The following RAPGEF5 variants were observed in gnomAD, a reference collection of about 807,000 sequenced individuals.
RAPGEF5 encodes Rap guanine nucleotide exchange factor 5, also known as M-Ras-regulated GEF.
RAPGEF5 carries 65 observed loss-of-function variants against 125.2 expected under a neutral mutation model. The ratio of observed to expected loss-of-function variants is 0.52; its 90% CI spans 0.43 to 0.64. The LOEUF is 0.64. Among genes scored for constraint, RAPGEF5 ranks in the 30% least tolerant of loss-of-function variants. RAPGEF5 has a pLI of 0.00. For missense variants in RAPGEF5, 958 were observed against 1,048.1 expected (o/e 0.91, Z 1.19); for synonymous variants, 391 against 385.9 (o/e 1.01, Z -0.16).
chr7:22,136,350 G>A (rs1197250870), intron 22 of RAPGEF5, among the ~76,000 whole-genome samples: 1 of 152,032 alleles, frequency 6.6e-6, no homozygotes, highest in African/African-American at 2.4e-5. Context: ...AAAGGGAAAT[G>A]ACCGCAAATG....
At chr7:22,300,539 AC>A (rs1263727209) in intron 5 of RAPGEF5, among the ~76,000 whole-genome samples, 1 of 152,204 alleles carries the variant, frequency 6.6e-6, no homozygotes, top group African/African-American at 2.4e-5. Flanking sequence ...ATAATGCTAT[AC>A]AGCCTCAATG....
intron 13 of RAPGEF5, among the ~76,000 whole-genome samples, chr7:22,161,662 A>G (rs1248966987): frequency 1.3e-5 from 2 of 152,180 alleles, no homozygotes; most frequent in Non-Finnish European, 2.9e-5. Context: ...GAGTTTAAAG[A>G]GTTGGTTAGA....
intron 1 of RAPGEF5, among the ~76,000 whole-genome samples, chr7:22,339,587 G>C (rs1404945462): frequency 6.6e-6 from 1 of 152,194 alleles, no homozygotes; most frequent in African/African-American, 2.4e-5. Flanking sequence ...AAATGCAAAA[G>C]AGGGTGACTG....
intron 9 of RAPGEF5, among the ~76,000 whole-genome samples, chr7:22,204,409 C>T (rs769621855): frequency 5.3e-5 from 8 of 152,102 alleles, no homozygotes; most frequent in Non-Finnish European, 7.4e-5. Context: ...ATTTCCTGTG[C>T]GTGTGTGTCA....
chr7:22,141,377 T>C (rs531863242), intron 20 of RAPGEF5, among the ~76,000 whole-genome samples: 42 of 152,330 alleles, frequency 2.8e-4, no homozygotes, highest in African/African-American at 9.9e-4. Context: ...CCTAAAGCTA[T>C]ACTGATTCCC....
At chr7:22,219,023 T>A (rs1445343551) in intron 9 of RAPGEF5, among the ~76,000 whole-genome samples, 1 of 152,076 alleles carries the variant, frequency 6.6e-6, no homozygotes, top group Non-Finnish European at 1.5e-5. Flanking sequence ...TGAAGCAATG[T>A]TTTCCCCCTT....
At chr7:22,318,361 C>T (rs901348691) in intron 1 of RAPGEF5, among the ~76,000 whole-genome samples, 26 of 152,062 alleles carry the variant, frequency 1.7e-4, no homozygotes, top group African/African-American at 4.8e-4. Context: ...TTTCCTTTTC[C>T]TCACCCTAAC....
chr7:22,180,329 A>T (rs1784635798), intron 11 of RAPGEF5, among the ~76,000 whole-genome samples: 2 of 152,162 alleles, frequency 1.3e-5, no homozygotes, highest in Admixed American at 1.3e-4. Flanking sequence ...AACAATATAC[A>T]ATATATTTGC....
intron 7 of RAPGEF5, among the ~76,000 whole-genome samples, chr7:22,250,095 A>C (rs1297100841): frequency 2.0e-5 from 3 of 152,190 alleles, no homozygotes; most frequent in African/African-American, 7.2e-5. Context: ...CCAAACAAAA[A>C]CACTTAACAA....
rs770990761 is a variant in RAPGEF5, at chr7:22,157,855, C to CT, written c.1556dup (p.Asn520GlufsTer2). 4 of 1,610,856 alleles carry CT rather than the reference C, an allele frequency of 2.5e-6. No individual in the cohort carries two copies. The highest frequency in any genetic ancestry group is 1.3e-5 in the African/African-American group (1 of 74,824). ...TTTAGGTATAGAAGCATCTGCTTAC[C>CT]TTTTTTTGTGGTGAATATTCATCTA... On this transcript the variant is annotated frameshift_variant and splice_region_variant, in exon 15 of 26. Coordinates refer to ENST00000665637, the MANE Select transcript of RAPGEF5 (RefSeq NM_012294.5). LOFTEE classifies it high-confidence loss of function.
chr7:22,290,810 G>C (rs1426882730), intron 6 of RAPGEF5, among the ~76,000 whole-genome samples: 1 of 150,674 alleles, frequency 6.6e-6, no homozygotes, highest in Admixed American at 6.6e-5. Flanking sequence ...CTAGTGACCC[G>C]GCCTTTTTTG....
intron 5 of RAPGEF5, among the ~76,000 whole-genome samples, chr7:22,306,902 T>C (rs1783355152): frequency 6.6e-6 from 1 of 152,190 alleles, no homozygotes; most frequent in African/African-American, 2.4e-5. Flanking sequence ...TTCTGTTCCA[T>C]TGGTCTATGT....
intron 8 of RAPGEF5, among the ~76,000 whole-genome samples, chr7:22,220,846 G>A (rs897139263): frequency 6.6e-6 from 1 of 152,124 alleles, no homozygotes; most frequent in Admixed American, 6.5e-5. Flanking sequence ...CTTGGCAGGA[G>A]CAGTCAAAAC....
At chr7:22,284,939 C>T (rs995675593) in intron 6 of RAPGEF5, among the ~76,000 whole-genome samples, 2 of 152,120 alleles carry the variant, frequency 1.3e-5, no homozygotes, top group African/African-American at 4.8e-5. Context: ...GGTTACATCC[C>T]AATAAACCCA....
intron 6 of RAPGEF5, among the ~76,000 whole-genome samples, chr7:22,273,360 A>G (rs1782485257): frequency 6.6e-6 from 1 of 151,662 alleles, no homozygotes; most frequent in Non-Finnish European, 1.5e-5. Flanking sequence ...CTGGGACTAC[A>G]GGCGCCCACC....
intron 9 of RAPGEF5, among the ~76,000 whole-genome samples, chr7:22,207,499 A>G (rs1785423557): frequency 6.6e-6 from 1 of 152,190 alleles, no homozygotes; most frequent in African/African-American, 2.4e-5. Flanking sequence ...TTATCATTAA[A>G]TTTTTATTTT....
At chr7:22,227,396 G>C (rs1479955272) in intron 8 of RAPGEF5, among the ~76,000 whole-genome samples, 1 of 152,056 alleles carries the variant, frequency 6.6e-6, no homozygotes, top group Non-Finnish European at 1.5e-5. Context: ...CAAATATTTA[G>C]CAGTTAATTT....
At chr7:22,256,316 G>A (rs978881386) in intron 7 of RAPGEF5, among the ~76,000 whole-genome samples, 1 of 152,154 alleles carries the variant, frequency 6.6e-6, no homozygotes, top group Admixed American at 6.5e-5. Context: ...TCTGTCACAT[G>A]CACCTAAAAT....
chr7:22,295,823 G>A (rs1005339729), intron 5 of RAPGEF5, among the ~76,000 whole-genome samples: 2 of 152,006 alleles, frequency 1.3e-5, no homozygotes, highest in Admixed American at 6.6e-5. Context: ...GTGTCATGAG[G>A]ATCTAATTAG....
Sources: gnomAD v4.1 joint callset for allele counts (sites outside exome capture counted in the v4.1 genomes callset) on GRCh38, gnomAD v4.1.1 for gene constraint, MANE v1.5 for transcripts, NCBI Gene and HGNC (gene_info 2026-07-23, HGNC 2026-07-21) for gene names.